CFAP54: variants seen among roughly 807,000 people sequenced by gnomAD.
CFAP54 encodes cilia and flagella associated protein 54.
In CFAP54, 290 loss-of-function variants were observed where a neutral mutation model predicts 370.4. That is an observed-to-expected ratio of 0.78 (90% confidence interval 0.71 to 0.86). The LOEUF is 0.86. Ranked by LOEUF, CFAP54 falls within the 40% of genes least tolerant of loss-of-function variation. CFAP54 has a pLI of 0.00. For synonymous variants in CFAP54, 1,206 were observed against 1,236.5 expected, an observed-to-expected ratio of 0.98 and a Z score of 0.52; for missense variants, 3,399 against 3,528.7, an observed-to-expected ratio of 0.96 and a Z score of 0.93.
intron 27 of CFAP54, 105 bp downstream of exon 27, chr12:96,621,826 G>GTTATA (rs1353774112): frequency 2.1e-6 from 1 of 485,182 alleles, no homozygotes; most frequent in Non-Finnish European, 2.6e-6. Context: ...TTTTACATTT[G>GTTATA]TTATATTTAC....
At chr12:96,737,477 T>TTATA (rs1194481557) in intron 50 of CFAP54, among the ~76,000 whole-genome samples, 2 of 146,556 alleles carry the variant, frequency 1.4e-5, no homozygotes, top group African/African-American at 5.0e-5. Flanking sequence ...ATATTATATT[T>TTATA]TATATATATA....
At chr12:96,619,095 C>A (rs2136463175) in intron 26 of CFAP54, among the ~76,000 whole-genome samples, 1 of 152,256 alleles carries the variant, frequency 6.6e-6, no homozygotes, top group East Asian at 1.9e-4. Flanking sequence ...AACTCCTGAG[C>A]TCATGCAATC....
chr12:96,851,269 A>G (rs552374771), intron 66 of CFAP54, among the ~76,000 whole-genome samples: 6 of 152,226 alleles, frequency 3.9e-5, no homozygotes, highest in African/African-American at 1.4e-4. Flanking sequence ...TGTCTTCATG[A>G]TTTCGAAGGT....
intron 55 of CFAP54, among the ~76,000 whole-genome samples, chr12:96,746,974 C>T (rs2136648162): frequency 6.6e-6 from 1 of 152,324 alleles, no homozygotes; most frequent in African/African-American, 2.4e-5. Flanking sequence ...TGATGTGCTT[C>T]AACCCCCTTC....
intron 66 of CFAP54, among the ~76,000 whole-genome samples, chr12:96,855,595 A>G (rs1162478182): frequency 1.3e-5 from 2 of 152,262 alleles, no homozygotes; most frequent in Non-Finnish European, 2.9e-5. Flanking sequence ...ATTAAACCTT[A>G]AAGTTCCAAA....
At chr12:96,550,599 AG>A (rs762058357) in intron 15 of CFAP54, among the ~76,000 whole-genome samples, 3 of 152,114 alleles carry the variant, frequency 2.0e-5, no homozygotes, top group Non-Finnish European at 4.4e-5. Flanking sequence ...AATAAATAAA[AG>A]GGATATCTTT....
chr12:96,664,831 C>A (rs1409629199), intron 39 of CFAP54, among the ~76,000 whole-genome samples: 1 of 134,898 alleles, frequency 7.4e-6, no homozygotes, highest in Admixed American at 7.6e-5. Flanking sequence ...ATATGTATAT[C>A]CCATAATGGG....
chr12:96,695,744 G>C (rs989889025), intron 45 of CFAP54, among the ~76,000 whole-genome samples: 19 of 152,158 alleles, frequency 1.2e-4, no homozygotes, highest in Non-Finnish European at 1.9e-4. Context: ...AGTGCCTACT[G>C]TCCACTCTCT....
intron 60 of CFAP54, 138 bp downstream of exon 60, chr12:96,765,356 G>T: frequency 2.9e-6 from 2 of 681,818 alleles, no homozygotes; most frequent in African/African-American, 1.8e-5. Flanking sequence ...GGGATCATAG[G>T]GGTCCTAGGG....
At chr12:96,717,201 G>A (rs1311751273) in intron 48 of CFAP54, among the ~76,000 whole-genome samples, 1 of 152,112 alleles carries the variant, frequency 6.6e-6, no homozygotes, top group Non-Finnish European at 1.5e-5. Flanking sequence ...TGCATTCCAG[G>A]CTTCTTTTGT....
chr12:96,664,767 A>C (rs1214421222), intron 39 of CFAP54, among the ~76,000 whole-genome samples: 4 of 17,516 alleles, frequency 2.3e-4, no homozygotes, highest in African/African-American at 2.6e-4. Context: ...ATATATATCT[A>C]TATCTATATC....
At chr12:96,702,492 AAGAG>A (rs1473986950) in intron 46 of CFAP54, among the ~76,000 whole-genome samples, 1 of 152,222 alleles carries the variant, frequency 6.6e-6, no homozygotes, top group East Asian at 1.9e-4. Context: ...ATGAGAAGGA[AAGAG>A]AAACCAGTTG....
intron 25 of CFAP54, 82 bp from the exon 26 acceptor site, chr12:96,598,563 C>T: frequency 2.2e-6 from 1 of 449,724 alleles, no homozygotes; most frequent in Non-Finnish European, 4.0e-6. Context: ...TTAAAGCTTG[C>T]ATTATTTGAA....
Position 96,786,677 on chromosome 12 carries a change from T to C in CFAP54, c.8458T>C (p.Ser2820Pro), listed in dbSNP as rs1325001287. 2 of 1,525,430 alleles carry C rather than the reference T, an allele frequency of 1.3e-6. No homozygotes were observed. Among genetic ancestry groups the C allele is most frequent in the Admixed American group, 2.0e-5 (1 of 49,998 alleles). The allele number at this position is 1,525,430 out of a possible 1,614,324, so 94.5% of individuals were successfully genotyped here. A position where few individuals can be genotyped will look rare whatever the true frequency, so the allele number is the denominator to read the frequency against. Residue 2820 changes from serine to proline, a missense_variant and splice_region_variant, in exon 62 of 68, where the codon TCT becomes CCT. Physicochemically the swap from Ser to Pro is moderately conservative, Grantham distance 74. Transcript: ENST00000524981. ...RINNLSKLLASATPVSGISLP... is the reference protein window; with the variant it reads ...RINNLSKLLAPATPVSGISLP... ...CTAAGGTATTTTTCTTTCTTAAGCATCTGCAACACCAGTATCTGGAATTTC... is the reference window on the plus strand; with the variant it reads ...CTAAGGTATTTTTCTTTCTTAAGCACCTGCAACACCAGTATCTGGAATTTC...
At chr12:96,835,036 C>G (rs1565997081) in intron 66 of CFAP54, among the ~76,000 whole-genome samples, 2 of 151,962 alleles carry the variant, frequency 1.3e-5, no homozygotes, top group Non-Finnish European at 2.9e-5. Flanking sequence ...GTCCTGTCGT[C>G]TCTGCAACTC....
chr12:96,535,719 T>A, intron 12 of CFAP54, 119 bp downstream of exon 12: 1 of 599,826 alleles, frequency 1.7e-6, no homozygotes, highest in Non-Finnish European at 2.8e-6. Context: ...TTTTGTTTAA[T>A]CATTAGCATA....
At chr12:96,766,221 G>A (rs1159908970) in intron 60 of CFAP54, among the ~76,000 whole-genome samples, 1 of 152,138 alleles carries the variant, frequency 6.6e-6, no homozygotes, top group Non-Finnish European at 1.5e-5. Context: ...AAGCATAGGT[G>A]TCCCAAATTA....
At chr12:96,856,675 G>C (rs2371380) in intron 66 of CFAP54, among the ~76,000 whole-genome samples, 45,182 of 151,992 alleles carry the variant, frequency 0.3, 7,016 homozygotes, top group South Asian at 0.53. Context: ...CAAGTCTCTA[G>C]GAACTTCCAA....
intron 33 of CFAP54, chr12:96,647,165 T>A (rs1406502765): frequency 6.6e-6 from 1 of 152,022 alleles, no homozygotes; most frequent in Non-Finnish European, 1.5e-5. Context: ...GTTCAATGCC[T>A]AGACCTTATT....
Sources: gnomAD v4.1 joint callset for allele counts (sites outside exome capture counted in the v4.1 genomes callset) on GRCh38, gnomAD v4.1.1 for gene constraint, MANE v1.5 for transcripts, NCBI Gene and HGNC (gene_info 2026-07-23, HGNC 2026-07-21) for gene names.